The following UBTD2 variants were observed in gnomAD, a reference collection of about 807,000 sequenced individuals.
UBTD2 encodes ubiquitin domain containing 2.
Under a neutral mutation model 19.8 loss-of-function variants are expected in UBTD2, and 9 were observed. The ratio of observed to expected loss-of-function variants is 0.46; its 90% CI spans 0.27 to 0.79. The LOEUF (loss-of-function observed/expected upper bound fraction) is 0.79. Among genes scored for constraint, UBTD2 ranks in the 30% least tolerant of loss-of-function variants. The probability of loss-of-function intolerance (pLI) is 0.14; values close to 1 mark genes in which losing one functional copy is unlikely to be tolerated. For synonymous variants in UBTD2, 98 were observed against 103.9 expected, an observed-to-expected ratio of 0.94 and a Z score of 0.35; for missense variants, 250 against 300.4, an observed-to-expected ratio of 0.83 and a Z score of 1.24.
chr5:172,222,732 C>A, intron 2 of UBTD2, among the ~76,000 whole-genome samples: 1 of 152,062 alleles, frequency 6.6e-6, no homozygotes, highest in Admixed American at 6.6e-5. Context: ...TAGAGAATAC[C>A]ATGGGATCTT....
In UBTD2 at chr5:172,211,149, G is replaced by GC. The variant is rs1449809866; in HGVS notation, c.*680dup. On this transcript the variant is annotated 3_prime_UTR_variant, in exon 3 of 3. Coordinates refer to ENST00000393792, the MANE Select transcript of UBTD2 (RefSeq NM_152277.3). ...TTATTGCCTAGTGTTCCAGAAGGGT[G>GC]CCTGCCACTAATGTGCTGGAAGGCA... 1 of 152,158 alleles carries GC rather than the reference G, an allele frequency of 6.6e-6. No homozygotes were observed. Among genetic ancestry groups the GC allele is most frequent in the African/African-American group, 2.4e-5 (1 of 41,420 alleles). The allele number at this position is 152,158 out of a possible 1,614,324, so 9.4% of individuals were successfully genotyped here. A position where few individuals can be genotyped will look rare whatever the true frequency, so the allele number is the denominator to read the frequency against.
chr5:172,229,282 C>T (rs1044184552), intron 2 of UBTD2, among the ~76,000 whole-genome samples: 3 of 151,864 alleles, frequency 2.0e-5, no homozygotes, highest in African/African-American at 4.8e-5. Flanking sequence ...GGGTGGATCA[C>T]AAGGTCAGGA....
intron 1 of UBTD2, among the ~76,000 whole-genome samples, chr5:172,241,992 TG>T (rs1401648888): frequency 6.6e-6 from 1 of 152,268 alleles, no homozygotes; most frequent in Non-Finnish European, 1.5e-5. Flanking sequence ...CACTCTAGCC[TG>T]GGCAACAGAG....
chr5:172,257,114 T>C (rs1414965734), intron 1 of UBTD2, among the ~76,000 whole-genome samples: 3 of 152,136 alleles, frequency 2.0e-5, no homozygotes, highest in Non-Finnish European at 4.4e-5. Flanking sequence ...ACCCAGTAAG[T>C]AGTTTTATGA....
intron 2 of UBTD2, 26 bp from the exon 3 acceptor site, chr5:172,212,253 GA>G: frequency 6.4e-7 from 1 of 1,559,452 alleles, no homozygotes; most frequent in Non-Finnish European, 8.7e-7. Context: ...ATATGAATAA[GA>G]ACTTAATCCT....
chr5:172,228,086 G>C (rs1771807317), intron 2 of UBTD2, among the ~76,000 whole-genome samples: 2 of 152,114 alleles, frequency 1.3e-5, no homozygotes. Flanking sequence ...TTACACACAT[G>C]CATTTCCTGT....
chr5:172,249,401 GAAAA>G (rs756803780), intron 1 of UBTD2, among the ~76,000 whole-genome samples: 34 of 63,304 alleles, frequency 5.4e-4, no homozygotes, highest in South Asian at 5.3e-3. Context: ...TCCGTCTCAT[GAAAA>G]AAAAAAAAAA....
chr5:172,240,723 G>A (rs551310773), intron 1 of UBTD2, among the ~76,000 whole-genome samples: 22 of 152,034 alleles, frequency 1.4e-4, no homozygotes, highest in African/African-American at 5.1e-4. Context: ...ACACAATTAA[G>A]TCCTCCCCAC....
At chr5:172,224,736 G>A (rs187168042) in intron 2 of UBTD2, among the ~76,000 whole-genome samples, 18 of 152,232 alleles carry the variant, frequency 1.2e-4, no homozygotes, top group Non-Finnish European at 2.2e-4. Context: ...CAGCCCTGTG[G>A]AACTGTGAGT....
intron 1 of UBTD2, among the ~76,000 whole-genome samples, chr5:172,275,412 A>G (rs1169037839): frequency 6.6e-6 from 1 of 152,164 alleles, no homozygotes; most frequent in East Asian, 1.9e-4. Flanking sequence ...AAGTTACTGA[A>G]CCAAATTATT....
Position 172,224,491 on chromosome 5 carries a change from A to T in UBTD2, c.307+9631T>A, listed in dbSNP as rs567290429. Among the ~76,000 whole-genome samples, 488 of 152,086 alleles carry T rather than the reference A, an allele frequency of 3.2e-3. 6 individuals are homozygous for T. Among genetic ancestry groups the T allele is most frequent in the Non-Finnish European group, 5.8e-3 (393 of 67,962 alleles). On this transcript the variant is annotated intron_variant, in intron 2 of 2. Coordinates refer to ENST00000393792, the MANE Select transcript of UBTD2 (RefSeq NM_152277.3). ...CTTTTAGTAGAGATGGGATTTCCCC[A>T]TGTTGGCCAGGCTAGTCTCAAACTC... is the stretch of plus-strand genomic sequence containing the variant.
At position 172,283,030 on chromosome 5, in the gene UBTD2, T is replaced by C. The variant is rs1399877358; in HGVS notation, c.70+566A>G. Among the ~76,000 whole-genome samples the C allele has an allele frequency of 1.3e-5, 2 of 151,968 alleles. No individual in the cohort carries two copies. Among genetic ancestry groups the C allele is most frequent in the Non-Finnish European group, 1.5e-5 (1 of 68,006 alleles). On this transcript the variant is annotated intron_variant, in intron 1 of 2. Coordinates refer to ENST00000393792, the MANE Select transcript of UBTD2 (RefSeq NM_152277.3). The surrounding 1 kb of genome is among the most constrained non-coding windows in gnomAD (Gnocchi z 4.3). The stretch of plus-strand genomic sequence containing the variant: ...AGACCGTTTCCCCACCCCTCCTTAA[T>C]ACAATGCCTGCGGCCACTGGAGACT...
chr5:172,244,295 G>GTTTGTTTTTTTTTT (rs1214308760), intron 1 of UBTD2, among the ~76,000 whole-genome samples: 8 of 126,074 alleles, frequency 6.3e-5, no homozygotes, highest in Admixed American at 8.4e-5. Flanking sequence ...TTTCCTCCCA[G>GTTTGTTTTTTTTTT]TTTTTTTTTT....
chr5:172,216,546 A>G (rs1396167315), intron 2 of UBTD2, among the ~76,000 whole-genome samples: 2 of 122,686 alleles, frequency 1.6e-5, no homozygotes, highest in East Asian at 2.8e-4. Context: ...TGAGCCCATG[A>G]GTTTGAGGCC....
chr5:172,249,665 T>C (rs536766568), intron 1 of UBTD2, among the ~76,000 whole-genome samples: 1 of 151,996 alleles, frequency 6.6e-6, no homozygotes, highest in East Asian at 1.9e-4. Context: ...CTGGTCAAAA[T>C]AGCATATGCA....
chr5:172,263,643 A>G (rs1755315920), intron 1 of UBTD2, among the ~76,000 whole-genome samples: 1 of 152,046 alleles, frequency 6.6e-6, no homozygotes, highest in South Asian at 2.1e-4. Context: ...AAATACAAAA[A>G]ATTAGCCAGG....
chr5:172,281,135 A>C (rs1345257653), intron 1 of UBTD2, among the ~76,000 whole-genome samples: 1 of 152,162 alleles, frequency 6.6e-6, no homozygotes, highest in Non-Finnish European at 1.5e-5. Context: ...CCTGGGGCTC[A>C]AGCAATCCTC....
rs374927160 is a variant in UBTD2 at position 172,229,465 on chromosome 5, C to A, written c.307+4657G>T. Among the ~76,000 whole-genome samples, 8 of 128,014 alleles carry A rather than the reference C, an allele frequency of 6.2e-5. No individual in the cohort carries two copies. The Admixed American group carries it at 7.4e-4, about 12-fold the overall frequency. The allele number at this position is 128,014 out of a possible 152,430, so 84.0% of individuals were successfully genotyped here. On this transcript the variant is annotated intron_variant, in intron 2 of 2. Transcript: ENST00000393792. ...GCAGTGAGCCGAGATTGTGCCACTGCACTCCAGCCTGGGCGACAGAGCAAG... is the reference window on the plus strand; with the variant it reads ...GCAGTGAGCCGAGATTGTGCCACTGAACTCCAGCCTGGGCGACAGAGCAAG...
intron 1 of UBTD2, among the ~76,000 whole-genome samples, chr5:172,253,835 A>G (rs1447403579): frequency 6.6e-6 from 1 of 152,122 alleles, no homozygotes; most frequent in Non-Finnish European, 1.5e-5. Flanking sequence ...ACAACTGACA[A>G]TTGATTATGT....
Sources: gnomAD v4.1 joint callset for allele counts (sites outside exome capture counted in the v4.1 genomes callset) on GRCh38, gnomAD v4.1.1 for gene constraint, Gnocchi (gnomAD v3.1) non-coding constraint, MANE v1.5 for transcripts, NCBI Gene and HGNC (gene_info 2026-07-23, HGNC 2026-07-21) for gene names.